The following NUDT7 variants were observed in gnomAD, a reference collection of about 807,000 sequenced individuals.
NUDT7 encodes nudix hydrolase 7.
In NUDT7, 19 loss-of-function variants were observed where a neutral mutation model predicts 13.1. The ratio of observed to expected loss-of-function variants is 1.45; its 90% CI spans 1.01 to 2.13. NUDT7 has a LOEUF of 2.13. NUDT7 is among the 30% of genes most tolerant of loss of function. NUDT7 has a pLI of 0.00. For missense variants in NUDT7, 360 were observed against 291.7 expected, an observed-to-expected ratio of 1.23 and a Z score of -1.71; for synonymous variants, 132 against 109.7, an observed-to-expected ratio of 1.20 and a Z score of -1.27.
At chr16:77,726,268 G>T (rs2014132792) in intron 2 of NUDT7, among the ~76,000 whole-genome samples, 1 of 152,168 alleles carries the variant, frequency 6.6e-6, no homozygotes, top group Non-Finnish European at 1.5e-5. Flanking sequence ...ATTAGTAACT[G>T]CTTCATACAG....
chr16:77,736,000 G>T lies in NUDT7; in HGVS notation c.348+14G>T. On this transcript the variant is annotated intron_variant, in intron 3 of 3. Transcript: ENST00000268533. Reference sequence around the variant, plus strand: ...TGTCTTATTGATGTAAGGGTTTCCTGAGACACTCATGAGCACCGTCCCCAC... The same window carrying T: ...TGTCTTATTGATGTAAGGGTTTCCTTAGACACTCATGAGCACCGTCCCCAC... The T allele has an allele frequency of 6.2e-7, 1 of 1,613,328 alleles. No individual in the cohort carries two copies. The highest frequency in any genetic ancestry group is 8.5e-7 in the Non-Finnish European group (1 of 1,179,414).
chr16:77,723,778 G>C (rs985273566), intron 1 of NUDT7, among the ~76,000 whole-genome samples: 3 of 151,920 alleles, frequency 2.0e-5, no homozygotes, highest in Admixed American at 6.6e-5. Context: ...GTTTAGTAGA[G>C]GTGGGGTTTT....
At chr16:77,725,655 G>A in intron 2 of NUDT7, 71 bp downstream of exon 2, 1 of 1,454,970 alleles carries the variant, frequency 6.9e-7, no homozygotes, top group Non-Finnish European at 9.4e-7. Flanking sequence ...TTTGTCACTT[G>A]CACACACTTT....
At chr16:77,731,888 T>C (rs1410511882) in intron 2 of NUDT7, among the ~76,000 whole-genome samples, 1 of 152,050 alleles carries the variant, frequency 6.6e-6, no homozygotes, top group East Asian at 1.9e-4. Flanking sequence ...GCTTCTAGAA[T>C]AAGGATATAA....
At chr16:77,724,613 C>T (rs74026803) in intron 1 of NUDT7, among the ~76,000 whole-genome samples, 1,665 of 152,256 alleles carry the variant, frequency 0.011, 27 homozygotes, top group African/African-American at 0.038. Context: ...GGATTTAGAG[C>T]TCACTTTAAT....
Position 77,741,808 on chromosome 16 carries a change from CG to C in NUDT7, c.577del (p.Ala193GlnfsTer28). On this transcript the variant is annotated frameshift_variant, in exon 4 of 4. Transcript: ENST00000268533. LOFTEE classifies it low-confidence loss of function (END_TRUNC). ...GTCACTTACCAGATCAAGGGAATGA[CG>C]GCAAACCTTGCAGTGTTGGTGGCCT... ...DGVTYQIKGMTANLAVLVAFI... is the reference protein window; with the variant it reads ...DGVTYQIKGMXANLAVLVAFI... 6.2e-7 allele frequency: 1 copy of C among 1,614,116 alleles called. No homozygotes were observed.
intron 2 of NUDT7, among the ~76,000 whole-genome samples, chr16:77,728,965 G>A (rs541161202): frequency 9.9e-5 from 15 of 152,124 alleles, no homozygotes; most frequent in African/African-American, 3.1e-4. Flanking sequence ...CCTCCTCCCT[G>A]CACCCCATTC....
In NUDT7 at chr16:77,741,972, G is replaced by C; in HGVS notation, c.*22G>C. On this transcript the variant is annotated 3_prime_UTR_variant, in exon 4 of 4. Coordinates refer to ENST00000268533, the MANE Select transcript of NUDT7 (RefSeq NM_001105663.3). ...ATGATTTACTAGAGCAAGAGACAAA[G>C]AACTATTCACGAGGATTCTGTGTGT... The C allele has an allele frequency of 1.3e-6, 2 of 1,552,682 alleles. No homozygotes were observed. The highest frequency in any genetic ancestry group is 1.7e-6 in the Non-Finnish European group (2 of 1,154,344).
At chr16:77,733,707 C>T (rs1488980362) in intron 2 of NUDT7, among the ~76,000 whole-genome samples, 1 of 152,174 alleles carries the variant, frequency 6.6e-6, no homozygotes, top group Non-Finnish European at 1.5e-5. Flanking sequence ...TCCGCTCCAT[C>T]CTCATGGAAC....
At chr16:77,726,095 C>A (rs981473673) in intron 2 of NUDT7, among the ~76,000 whole-genome samples, 1 of 152,192 alleles carries the variant, frequency 6.6e-6, no homozygotes, top group Admixed American at 6.5e-5. Context: ...TATCCCACCC[C>A]CAGTATAATG....
Position 77,728,884 on chromosome 16 carries a change from C to T in NUDT7, c.189+3300C>T, listed in dbSNP as rs556976109. ...TCAGGAATTAGCTGCTCTGCATTAT[C>T]GGTCCTGCTCTTCTCCCCCACACCC... is the stretch of plus-strand genomic sequence containing the variant. On this transcript the variant is annotated intron_variant, in intron 2 of 3. Coordinates refer to ENST00000268533, the MANE Select transcript of NUDT7 (RefSeq NM_001105663.3). 1.3e-4 allele frequency among the ~76,000 whole-genome samples: 20 copies of T among 150,072 alleles called. 1 individual carries two copies. The East Asian group carries it at 3.2e-3, about 24-fold the overall frequency.
rs982611734 is a variant in NUDT7, at chr16:77,722,832, T to C, written c.35+215T>C. ...GGAACAGAGCCGGCTTAAGCCAGTA[T>C]GGTTTACATACACGCTGCTCCCCTT... On this transcript the variant is annotated intron_variant, in intron 1 of 3. Transcript: ENST00000268533. Among the ~76,000 whole-genome samples the C allele has an allele frequency of 2.7e-4, 41 of 152,142 alleles. 1 individual carries two copies. Among genetic ancestry groups the C allele is most frequent in the Non-Finnish European group, 2.5e-4 (17 of 68,024 alleles).
chr16:77,725,926 G>A (rs760144871), intron 2 of NUDT7, among the ~76,000 whole-genome samples: 5 of 152,170 alleles, frequency 3.3e-5, no homozygotes, highest in Non-Finnish European at 7.3e-5. Flanking sequence ...CTACCCACCA[G>A]ATGCCAGTAG....
At chr16:77,722,720 C>T (rs1435441834) in intron 1 of NUDT7, 103 bp downstream of exon 1, 4 of 1,089,282 alleles carry the variant, frequency 3.7e-6, no homozygotes, top group Non-Finnish European at 5.5e-6. Context: ...TTTGCAGCTC[C>T]CGCCAGTCCA....
intron 2 of NUDT7, among the ~76,000 whole-genome samples, chr16:77,729,043 G>C (rs749486612): frequency 5.9e-5 from 9 of 152,110 alleles, no homozygotes; most frequent in African/African-American, 1.9e-4. Flanking sequence ...AGGAAATTAG[G>C]CTGCAGCTTT....
At chr16:77,724,300 C>T (rs566170307) in intron 1 of NUDT7, among the ~76,000 whole-genome samples, 1 of 152,258 alleles carries the variant, frequency 6.6e-6, no homozygotes, top group Admixed American at 6.5e-5. Flanking sequence ...CTCACTCTGT[C>T]ACCCAGGCCG....
intron 3 of NUDT7, among the ~76,000 whole-genome samples, chr16:77,738,600 G>T (rs1461750198): frequency 6.6e-6 from 1 of 152,114 alleles, no homozygotes; most frequent in African/African-American, 2.4e-5. Flanking sequence ...GAGTGGAAGG[G>T]TGCTATTGGC....
At chr16:77,738,910 C>T (rs2014572622) in intron 3 of NUDT7, among the ~76,000 whole-genome samples, 2 of 152,204 alleles carry the variant, frequency 1.3e-5, no homozygotes, top group South Asian at 4.1e-4. Flanking sequence ...CAGAATATGC[C>T]CTTGGGCAAG....
intron 2 of NUDT7, among the ~76,000 whole-genome samples, chr16:77,730,346 T>G (rs974482322): frequency 6.6e-6 from 1 of 152,206 alleles, no homozygotes; most frequent in African/African-American, 2.4e-5. Flanking sequence ...ACTGACTTTT[T>G]AATATTCCAC....
Sources: gnomAD v4.1 joint callset for allele counts (sites outside exome capture counted in the v4.1 genomes callset) on GRCh38, gnomAD v4.1.1 for gene constraint, MANE v1.5 for transcripts, NCBI Gene and HGNC (gene_info 2026-07-23, HGNC 2026-07-21) for gene names.